Variants in KAZN observed in about 807,000 individuals in gnomAD.
The protein encoded by KAZN is kazrin.
KAZN carries 40 observed loss-of-function variants against 87.4 expected under a neutral mutation model. That is an observed-to-expected ratio of 0.46 (90% CI 0.36 to 0.60). The LOEUF (loss-of-function observed/expected upper bound fraction) is 0.60. Ranked by LOEUF, KAZN falls within the 20% of genes least tolerant of loss-of-function variation. The probability of loss-of-function intolerance (pLI) is 0.00; values close to 1 mark genes in which losing one functional copy is unlikely to be tolerated. For missense variants in KAZN, 898 were observed against 1,073.9 expected (o/e 0.84, Z 2.29); for synonymous variants, 466 against 458.3 (o/e 1.02, Z -0.22).
At chr1:14,688,156 C>A (rs181085503) in intron 1 of KAZN, among the ~76,000 whole-genome samples, 10 of 152,218 alleles carry the variant, frequency 6.6e-5, no homozygotes, top group Admixed American at 6.5e-4. Flanking sequence ...TCATACCCAG[C>A]CTCTGGGCAC....
intron 1 of KAZN, among the ~76,000 whole-genome samples, chr1:14,746,540 T>A (rs919293049): frequency 2.0e-5 from 3 of 151,428 alleles, no homozygotes; most frequent in Non-Finnish European, 4.4e-5. Context: ...GCAGGCCAGA[T>A]GATCCGGGAA....
In KAZN at chr1:15,104,005, C is replaced by A. The variant is rs1641204178; in HGVS notation, c.1882-18C>A. The A allele has an allele frequency of 6.2e-7, 1 of 1,609,778 alleles. No homozygotes were observed. Among genetic ancestry groups the A allele is most frequent in the African/African-American group, 1.3e-5 (1 of 74,868 alleles). ...CATGGCCCCTGCAGGCTAACAAGTC[C>A]CCTGCCTTTGCCCCCAGGAGTACGC... On this transcript the variant is annotated intron_variant, in intron 12 of 14. Coordinates refer to ENST00000376030, the MANE Select transcript of KAZN (RefSeq NM_201628.3).
chr1:14,582,334 G>T (rs1675606785), intron 2 of KAZN, among the ~76,000 whole-genome samples: 1 of 152,118 alleles, frequency 6.6e-6, no homozygotes, highest in Non-Finnish European at 1.5e-5. Flanking sequence ...AGAGCTTCTT[G>T]GTGTGGAGCA....
chr1:14,408,820 G>A (rs952912532), intron 2 of KAZN, among the ~76,000 whole-genome samples: 11 of 151,678 alleles, frequency 7.3e-5, no homozygotes, highest in South Asian at 2.1e-4. Flanking sequence ...GACAAACCAC[G>A]AACAAGTACA....
intron 1 of KAZN, among the ~76,000 whole-genome samples, chr1:14,152,131 A>G (rs942406698): frequency 6.6e-6 from 1 of 152,316 alleles, no homozygotes; most frequent in Non-Finnish European, 1.5e-5. Context: ...ATATGGGTAA[A>G]TGGGGCATCC....
intron 2 of KAZN, among the ~76,000 whole-genome samples, chr1:14,355,284 C>A (rs150667749): frequency 1.3e-5 from 2 of 152,134 alleles, no homozygotes; most frequent in Non-Finnish European, 2.9e-5. Flanking sequence ...ATAGCTCAAA[C>A]TATGTGCTTA....
intron 2 of KAZN, among the ~76,000 whole-genome samples, chr1:14,268,356 T>G (rs776007053): frequency 1.3e-5 from 2 of 152,040 alleles, no homozygotes; most frequent in South Asian, 4.1e-4. Flanking sequence ...ATGAATAGAT[T>G]GAAGTTAATA....
chr1:15,027,222 C>G (rs1381401029), intron 2 of KAZN, among the ~76,000 whole-genome samples: 2 of 152,024 alleles, frequency 1.3e-5, no homozygotes, highest in Non-Finnish European at 2.9e-5. Context: ...GCTGGGACTA[C>G]AGGCGCCCGC....
chr1:14,540,726 A>G (rs1672758364), intron 2 of KAZN, among the ~76,000 whole-genome samples: 1 of 152,210 alleles, frequency 6.6e-6, no homozygotes, highest in African/African-American at 2.4e-5. Flanking sequence ...GGATGGGGAA[A>G]ATATTAAAAC....
rs550522371 is a variant in KAZN, at chr1:14,160,455, C to T, written c.92-19980C>T. Among the ~76,000 whole-genome samples, 3 of 152,288 alleles carry T rather than the reference C, an allele frequency of 2.0e-5. No individual in the cohort carries two copies. The East Asian group carries it at 5.8e-4, about 29-fold the overall frequency. ...CTGCTGCAGGGAGGAGGGTGAGGGG[C>T]TGGAAGGAGGGGGCTTGGGAGAGGA... On this transcript the variant is annotated intron_variant, in intron 1 of 16. Transcript: ENST00000636203.
chr1:14,603,461 C>G (rs140955602), intron 1 of KAZN, among the ~76,000 whole-genome samples: 1 of 152,312 alleles, frequency 6.6e-6, no homozygotes, highest in East Asian at 1.9e-4. Context: ...AAAGAGATTA[C>G]TTACAGATCA....
Position 14,115,031 on chromosome 1 carries a change from A to G in KAZN, c.92-65404A>G, listed in dbSNP as rs112597266. ...TGCTGGCTCTGTTGATGTCTGCCTTAGTCAGCCCAGGCTGCCATAACAAAG... is the reference window on the plus strand; with the variant it reads ...TGCTGGCTCTGTTGATGTCTGCCTTGGTCAGCCCAGGCTGCCATAACAAAG... On this transcript the variant is annotated intron_variant, in intron 1 of 16. Coordinates refer to the KAZN transcript ENST00000636203. Among the ~76,000 whole-genome samples the G allele has an allele frequency of 2.4e-3, 369 of 152,300 alleles. 2 individuals carry two copies. The highest frequency in any genetic ancestry group is 8.3e-3 in the African/African-American group (347 of 41,578).
chr1:14,077,924 G>A (rs1046071404), intron 1 of KAZN, among the ~76,000 whole-genome samples: 4 of 152,270 alleles, frequency 2.6e-5, no homozygotes, highest in East Asian at 1.9e-4. Flanking sequence ...CGCCTGCCAC[G>A]GAGAGAAAGG....
chr1:14,714,828 T>C (rs1018470709), intron 1 of KAZN, among the ~76,000 whole-genome samples: 1 of 145,152 alleles, frequency 6.9e-6, no homozygotes, highest in African/African-American at 2.5e-5. Flanking sequence ...AGGTTCTTGC[T>C]CTGTCGTTCA....
intron 1 of KAZN, among the ~76,000 whole-genome samples, chr1:14,869,315 C>A (rs1336690977): frequency 6.6e-6 from 1 of 152,122 alleles, no homozygotes; most frequent in African/African-American, 2.4e-5. Flanking sequence ...ATTGCCTTCC[C>A]TGTGTGAGCA....
Position 14,408,168 on chromosome 1 carries a change from T to A in KAZN, c.250-190815T>A, listed in dbSNP as rs550980373. On this transcript the variant is annotated intron_variant, in intron 2 of 16. Coordinates refer to the KAZN transcript ENST00000636203. ...CATAATTAAAAGTCCTCTCTGCAAA[T>A]GCTTACATTTTTGCTGGGGTCTGGA... Among the ~76,000 whole-genome samples, 4 of 152,340 alleles carry A rather than the reference T, an allele frequency of 2.6e-5. No homozygotes were observed. The South Asian group carries it at 8.3e-4, about 32-fold the overall frequency.
intron 2 of KAZN, among the ~76,000 whole-genome samples, chr1:14,312,626 C>T (rs577728200): frequency 1.3e-5 from 2 of 152,140 alleles, no homozygotes; most frequent in Admixed American, 1.3e-4. Context: ...TGTATAATCC[C>T]CTTCTCTTTG....
At chr1:14,703,643 G>A (rs10927509) in intron 1 of KAZN, among the ~76,000 whole-genome samples, 3,436 of 152,256 alleles carry the variant, frequency 0.023, 142 homozygotes, top group African/African-American at 0.079. Context: ...TTTGGGAGGC[G>A]TAGGCAGGAA....
chr1:14,141,252 AAC>A (rs148458286), intron 1 of KAZN, among the ~76,000 whole-genome samples: 4,824 of 148,466 alleles, frequency 0.032, 323 homozygotes, highest in African/African-American at 0.11. Context: ...AAAAAAAAAA[AAC>A]AAAACTAAAA....
Sources: allele counts gnomAD v4.1 joint callset (sites outside exome capture counted in the v4.1 genomes callset), GRCh38; gene constraint gnomAD v4.1.1; transcripts MANE v1.5; gene names NCBI Gene and HGNC (gene_info 2026-07-23, HGNC 2026-07-21).